PALM2AKAP2: variants seen among roughly 807,000 people sequenced by gnomAD.
PALM2AKAP2 encodes PALM2 and AKAP2 fusion.
PALM2AKAP2 carries 37 observed loss-of-function variants against 71.5 expected under a neutral mutation model. That is an observed-to-expected ratio of 0.52 (90% CI 0.40 to 0.68). The LOEUF is 0.68. PALM2AKAP2 is among the 30% of genes least tolerant of loss of function. The probability of loss-of-function intolerance (pLI) is 0.00; values close to 1 mark genes in which losing one functional copy is unlikely to be tolerated. For missense variants in PALM2AKAP2, 1,224 were observed against 1,191.8 expected, an observed-to-expected ratio of 1.03 and a Z score of -0.40; for synonymous variants, 468 against 478.8, an observed-to-expected ratio of 0.98 and a Z score of 0.29.
intron 1 of PALM2AKAP2, among the ~76,000 whole-genome samples, chr9:110,061,608 A>T (rs1588085075): frequency 6.8e-6 from 1 of 146,066 alleles, no homozygotes; most frequent in South Asian, 2.1e-4. Context: ...CCATTATTTT[A>T]TATATATATA....
chr9:110,092,135 C>T (rs10980184), intron 1 of PALM2AKAP2, among the ~76,000 whole-genome samples: 30,549 of 151,952 alleles, frequency 0.2, 4,222 homozygotes, highest in African/African-American at 0.39. Context: ...AGTTCAAGAT[C>T]AGCCTGGCCA....
chr9:109,830,686 G>C (rs781701052), intron 1 of PALM2AKAP2, among the ~76,000 whole-genome samples: 1 of 152,166 alleles, frequency 6.6e-6, no homozygotes, highest in Non-Finnish European at 1.5e-5. Flanking sequence ...AATGGCCTTG[G>C]GGGAGAGGGA....
At chr9:109,878,590 G>A (rs1288088632) in intron 2 of PALM2AKAP2, among the ~76,000 whole-genome samples, 1 of 152,154 alleles carries the variant, frequency 6.6e-6, no homozygotes, top group African/African-American at 2.4e-5. Flanking sequence ...TCAACACAGA[G>A]TCTCTCCTGG....
At chr9:109,686,113 C>T (rs1321396288) in intron 1 of PALM2AKAP2, among the ~76,000 whole-genome samples, 1 of 152,132 alleles carries the variant, frequency 6.6e-6, no homozygotes, top group African/African-American at 2.4e-5. Flanking sequence ...AATTTGAGTT[C>T]TCTTGCTATT....
intron 6 of PALM2AKAP2, among the ~76,000 whole-genome samples, chr9:109,955,623 C>T (rs1831732562): frequency 6.7e-6 from 1 of 149,646 alleles, no homozygotes; most frequent in South Asian, 2.2e-4. Flanking sequence ...TTGTAGAATA[C>T]TACTATTCTG....
intron 1 of PALM2AKAP2, among the ~76,000 whole-genome samples, chr9:110,135,172 A>AAAAAAAAT (rs1554755284): frequency 4.9e-5 from 3 of 61,098 alleles, no homozygotes; most frequent in Non-Finnish European, 9.3e-5. Flanking sequence ...AAAATATATA[A>AAAAAAAAT]ATATATATAT....
At chr9:110,002,287 A>G (rs1226482394) in intron 6 of PALM2AKAP2, among the ~76,000 whole-genome samples, 1 of 152,050 alleles carries the variant, frequency 6.6e-6, no homozygotes, top group Non-Finnish European at 1.5e-5. Context: ...GGTTTTTGTC[A>G]TTGGTTCTGT....
chr9:109,846,953 C>T (rs1015560051), intron 1 of PALM2AKAP2, among the ~76,000 whole-genome samples: 1 of 152,232 alleles, frequency 6.6e-6, no homozygotes, highest in Non-Finnish European at 1.5e-5. Context: ...TTTCCACAAG[C>T]TCTCTGTGAT....
intron 6 of PALM2AKAP2, among the ~76,000 whole-genome samples, chr9:110,011,014 A>AAAAAAAAAATATATAT (rs35212981): frequency 2.9e-5 from 2 of 69,588 alleles, no homozygotes; most frequent in African/African-American, 1.6e-4. Flanking sequence ...AAAAAAAAAA[A>AAAAAAAAAATATATAT]ATATATATAT....
At chr9:109,689,902 T>G (rs1827857279) in intron 1 of PALM2AKAP2, among the ~76,000 whole-genome samples, 1 of 152,096 alleles carries the variant, frequency 6.6e-6, no homozygotes, top group Non-Finnish European at 1.5e-5. Context: ...ACCACCCAAC[T>G]GAATGACTCC....
chr9:110,138,534 C>T (rs775877745), exon 2 of PALM2AKAP2: 1 of 1,595,966 alleles, frequency 6.3e-7, no homozygotes, highest in South Asian at 1.1e-5. Flanking sequence ...TACAAAACTG[C>T]TCCAGGTAAG....
At chr9:109,948,647 T>A (rs571773201) in intron 6 of PALM2AKAP2, among the ~76,000 whole-genome samples, 40 of 152,262 alleles carry the variant, frequency 2.6e-4, no homozygotes, top group African/African-American at 9.1e-4. Context: ...CATAATCACC[T>A]GGGGCTATTT....
chr9:109,855,940 C>T (rs1829152610), intron 1 of PALM2AKAP2, among the ~76,000 whole-genome samples: 1 of 152,110 alleles, frequency 6.6e-6, no homozygotes. Flanking sequence ...GGACAAATTA[C>T]CCCAATATGT....
intron 1 of PALM2AKAP2, among the ~76,000 whole-genome samples, chr9:109,644,554 T>A (rs550116275): frequency 6.6e-6 from 1 of 152,222 alleles, no homozygotes; most frequent in Non-Finnish European, 1.5e-5. Flanking sequence ...TATGTGTGTA[T>A]ACTGATTGAA....
chr9:110,090,389 C>T (rs1834678837), intron 1 of PALM2AKAP2: 1 of 456,610 alleles, frequency 2.2e-6, no homozygotes, highest in Non-Finnish European at 4.4e-6. Context: ...TCATGATTGC[C>T]ACCTGGATGC....
At chr9:109,798,365 G>A (rs1827323722) in intron 1 of PALM2AKAP2, among the ~76,000 whole-genome samples, 3 of 152,152 alleles carry the variant, frequency 2.0e-5, no homozygotes, top group African/African-American at 4.8e-5. Context: ...ATGGTCAAGC[G>A]TACCCTACTC....
At chr9:110,147,424 A>G (rs1201740871) in intron 2 of PALM2AKAP2, among the ~76,000 whole-genome samples, 1 of 152,192 alleles carries the variant, frequency 6.6e-6, no homozygotes, top group Non-Finnish European at 1.5e-5. Context: ...AGTTATACCA[A>G]CCTCATAAAA....
At chr9:110,036,409 T>C (rs1442627102) in intron 7 of PALM2AKAP2, among the ~76,000 whole-genome samples, 1 of 152,248 alleles carries the variant, frequency 6.6e-6, no homozygotes, top group African/African-American at 2.4e-5. Context: ...ATGTGTCATG[T>C]GCCTGGTGCA....
chr9:109,894,024 TAAA>T (rs552808725), intron 3 of PALM2AKAP2, among the ~76,000 whole-genome samples: 26 of 132,840 alleles, frequency 2.0e-4, no homozygotes, highest in Non-Finnish European at 1.6e-4. Context: ...GTTGCTTATT[TAAA>T]AAAAAAAAAA....
Sources: allele counts gnomAD v4.1 joint callset (sites outside exome capture counted in the v4.1 genomes callset), GRCh38; gene constraint gnomAD v4.1.1; transcripts MANE v1.5; gene names NCBI Gene and HGNC (gene_info 2026-07-23, HGNC 2026-07-21).